LIMCH1: variants seen among roughly 807,000 people sequenced by gnomAD.
LIMCH1 encodes LIM and calponin homology domains-containing protein 1.
In LIMCH1, 113 loss-of-function variants were observed where a neutral mutation model predicts 176.5. That is an observed-to-expected ratio of 0.64 (90% CI 0.55 to 0.75). The LOEUF is 0.75. LIMCH1 is among the 30% of genes least tolerant of loss of function. LIMCH1 has a pLI of 0.00. For synonymous variants in LIMCH1, 619 were observed against 645.9 expected (o/e 0.96, Z 0.63); for missense variants, 1,674 against 1,814.9 (o/e 0.92, Z 1.41).
At chr4:41,480,437 G>T (rs2068402116) in intron 1 of LIMCH1, among the ~76,000 whole-genome samples, 2 of 152,062 alleles carry the variant, frequency 1.3e-5, no homozygotes, top group South Asian at 4.2e-4. Context: ...TGAAACCCCG[G>T]CTCCACTAAA....
intron 2 of LIMCH1, among the ~76,000 whole-genome samples, chr4:41,503,776 A>G (rs80099113): frequency 3.3e-5 from 5 of 152,130 alleles, no homozygotes; most frequent in African/African-American, 7.2e-5. Context: ...CTCTCCTGAG[A>G]AGCAGGCTTT....
intron 5 of LIMCH1, among the ~76,000 whole-genome samples, chr4:41,616,575 A>C (rs1168136295): frequency 3.9e-5 from 6 of 152,090 alleles, no homozygotes; most frequent in Non-Finnish European, 7.4e-5. Flanking sequence ...TCATCATCAC[A>C]TGCTAGATTA....
At chr4:41,578,848 T>C (rs77179463) in intron 1 of LIMCH1, among the ~76,000 whole-genome samples, 7,929 of 151,978 alleles carry the variant, frequency 0.052, 557 homozygotes, top group African/African-American at 0.16. Context: ...ATTACAGGCA[T>C]GCAAACCCAC....
At chr4:41,429,890 A>G (rs1348762904) in intron 1 of LIMCH1, among the ~76,000 whole-genome samples, 2 of 151,956 alleles carry the variant, frequency 1.3e-5, no homozygotes. Flanking sequence ...AACATGGTGA[A>G]TCATGCACAC....
intron 1 of LIMCH1, among the ~76,000 whole-genome samples, chr4:41,558,074 T>G (rs2081529974): frequency 6.6e-6 from 1 of 152,108 alleles, no homozygotes. Flanking sequence ...TCACGGTGCC[T>G]GGATGTCAGT....
intron 1 of LIMCH1, among the ~76,000 whole-genome samples, chr4:41,403,437 C>T (rs1008186397): frequency 6.6e-6 from 1 of 151,880 alleles, no homozygotes; most frequent in Non-Finnish European, 1.5e-5. Flanking sequence ...AAAAATTAGC[C>T]AGGGGTGGTG....
intron 1 of LIMCH1, among the ~76,000 whole-genome samples, chr4:41,457,196 T>A (rs1037585591): frequency 1.3e-5 from 2 of 152,212 alleles, no homozygotes; most frequent in Non-Finnish European, 2.9e-5. Context: ...AATATATACC[T>A]TAATTTCTCA....
At chr4:41,597,855 A>G (rs2089198638) in intron 1 of LIMCH1, among the ~76,000 whole-genome samples, 1 of 152,226 alleles carries the variant, frequency 6.6e-6, no homozygotes, top group Non-Finnish European at 1.5e-5. Flanking sequence ...CATTGGGGGC[A>G]GGATTCTTGG....
At position 41,605,993 on chromosome 4, in the gene LIMCH1, C is replaced by G; in HGVS notation, c.-3C>G. Reference sequence around the variant, plus strand: ...GAAGGAGTTTGAAGGATTGTTGGCTCAGATGCGAAAGGTAACTTGGCTTTT... The same window carrying G: ...GAAGGAGTTTGAAGGATTGTTGGCTGAGATGCGAAAGGTAACTTGGCTTTT... On this transcript the variant is annotated 5_prime_UTR_variant, in exon 4 of 32. Transcript: ENST00000503057. 6.2e-7 allele frequency: 1 copy of G among 1,612,204 alleles called. No homozygotes were observed. The highest frequency in any genetic ancestry group is 8.5e-7 in the Non-Finnish European group (1 of 1,178,422).
chr4:41,449,495 C>A (rs1002050890), intron 1 of LIMCH1, among the ~76,000 whole-genome samples: 2 of 152,088 alleles, frequency 1.3e-5, no homozygotes, highest in Non-Finnish European at 2.9e-5. Context: ...GGACTTGTAC[C>A]TTGCTTACAT....
At chr4:41,620,722 G>C in intron 7 of LIMCH1, 32 bp downstream of exon 7, 1 of 1,506,944 alleles carries the variant, frequency 6.6e-7, no homozygotes, top group Non-Finnish European at 8.8e-7. Flanking sequence ...GGCCCGGCTG[G>C]CTTTCTGCAT....
chr4:41,624,261 C>T (rs2092786358), intron 7 of LIMCH1, among the ~76,000 whole-genome samples: 2 of 152,062 alleles, frequency 1.3e-5, no homozygotes, highest in African/African-American at 4.8e-5. Context: ...TGGATCTTCT[C>T]AACCACGTAG....
At chr4:41,498,008 G>A (rs1304826799) in intron 2 of LIMCH1, among the ~76,000 whole-genome samples, 1 of 152,142 alleles carries the variant, frequency 6.6e-6, no homozygotes, top group Non-Finnish European at 1.5e-5. Flanking sequence ...CAGCTGGGCA[G>A]AGGACAAAGA....
chr4:41,383,221 A>G (rs2055981061), intron 1 of LIMCH1, among the ~76,000 whole-genome samples: 1 of 152,232 alleles, frequency 6.6e-6, no homozygotes, highest in Admixed American at 6.5e-5. Flanking sequence ...GTCTGGAGGT[A>G]GGTGCTTGGG....
rs142446599 is a variant in LIMCH1 at position 41,665,037 on chromosome 4, G to C, written c.3292-1524G>C. On this transcript the variant is annotated intron_variant, in intron 20 of 31. Transcript: ENST00000503057. ...CAGCTGATGAGCAAATGGAATCATG[G>C]TCTTTGAATCAAACACTTTTCTCAC... Among the ~76,000 whole-genome samples the C allele has an allele frequency of 2.2e-3, 332 of 152,282 alleles. 1 individual carries two copies. Among genetic ancestry groups the C allele is most frequent in the African/African-American group, 7.7e-3 (319 of 41,550 alleles).
chr4:41,504,734 C>T (rs952338886), intron 2 of LIMCH1, among the ~76,000 whole-genome samples: 4 of 152,206 alleles, frequency 2.6e-5, no homozygotes, highest in African/African-American at 9.7e-5. Context: ...TCATTTTCCC[C>T]ACTCCTTTCT....
At chr4:41,604,576 A>C (rs2090427642) in intron 3 of LIMCH1, among the ~76,000 whole-genome samples, 1 of 152,164 alleles carries the variant, frequency 6.6e-6, no homozygotes. Flanking sequence ...CCTCCTTTAT[A>C]AAACTAGAGG....
intron 7 of LIMCH1, among the ~76,000 whole-genome samples, chr4:41,623,486 G>A (rs1367693061): frequency 6.6e-5 from 10 of 152,234 alleles, no homozygotes; most frequent in Non-Finnish European, 1.2e-4. Flanking sequence ...GGCTGGGTGC[G>A]GTGGCCCAAA....
At chr4:41,458,396 A>G (rs1255323270) in intron 1 of LIMCH1, among the ~76,000 whole-genome samples, 2 of 152,142 alleles carry the variant, frequency 1.3e-5, no homozygotes, top group Admixed American at 6.5e-5. Context: ...GAATAATACT[A>G]ATCACATATG....
Sources: allele counts gnomAD v4.1 joint callset (sites outside exome capture counted in the v4.1 genomes callset), GRCh38; gene constraint gnomAD v4.1.1; transcripts MANE v1.5; gene names NCBI Gene and HGNC (gene_info 2026-07-23, HGNC 2026-07-21).